NRG2: variants seen among roughly 807,000 people sequenced by gnomAD.
The protein encoded by NRG2 is neuregulin 2.
A neutral mutation model predicts 73.9 loss-of-function variants in NRG2; 27 were observed. The observed-to-expected ratio is 0.37, with a 90% confidence interval of 0.27 to 0.50. The LOEUF (loss-of-function observed/expected upper bound fraction) is 0.50. Among genes scored for constraint, NRG2 ranks in the 20% least tolerant of loss-of-function variants. The pLI is 0.96. For synonymous variants in NRG2, 532 were observed against 541.0 expected (o/e 0.98, Z 0.23); for missense variants, 1,126 against 1,210.1 (o/e 0.93, Z 1.03).
At chr5:139,928,433 A>C (rs567735159) in intron 1 of NRG2, among the ~76,000 whole-genome samples, 9 of 152,068 alleles carry the variant, frequency 5.9e-5, no homozygotes, top group Admixed American at 5.2e-4. Context: ...ACTGATGCAC[A>C]CTCTACACGT....
At chr5:139,859,289 G>C (rs945142744) in intron 5 of NRG2, among the ~76,000 whole-genome samples, 4 of 152,216 alleles carry the variant, frequency 2.6e-5, no homozygotes, top group East Asian at 1.9e-4. Context: ...TGCCAATGTG[G>C]GGTCAGATCA....
At chr5:139,872,482 C>A (rs1436819039) in intron 3 of NRG2, among the ~76,000 whole-genome samples, 1 of 152,218 alleles carries the variant, frequency 6.6e-6, no homozygotes, top group African/African-American at 2.4e-5. Context: ...TATGCCCCAT[C>A]TCCATAAGCA....
intron 1 of NRG2, among the ~76,000 whole-genome samples, chr5:140,013,961 T>C (rs965662462): frequency 1.3e-5 from 2 of 152,184 alleles, no homozygotes; most frequent in African/African-American, 4.8e-5. Context: ...CCCTTTAATA[T>C]TGTAGTGTCT....
At position 139,954,027 on chromosome 5, in the gene NRG2, C is replaced by T. The variant is rs910935226; in HGVS notation, c.701-66516G>A. ...GTGGGCCAGAGTTGAGGGCAGGTAGCCTGCTCACTGGGAGGCAAGGGGCAG... is the reference window on the plus strand; with the variant it reads ...GTGGGCCAGAGTTGAGGGCAGGTAGTCTGCTCACTGGGAGGCAAGGGGCAG... On this transcript the variant is annotated intron_variant, in intron 1 of 9. Transcript: ENST00000361474. This position sits in a 1 kb window ranked among gnomAD's most constrained non-coding sequence, Gnocchi z 5.0. 6.6e-6 allele frequency among the ~76,000 whole-genome samples: 1 copy of T among 152,148 alleles called. No individual in the cohort carries two copies. Among genetic ancestry groups the T allele is most frequent in the Non-Finnish European group, 1.5e-5 (1 of 68,008 alleles).
At chr5:140,016,263 A>G (rs898667976) in intron 1 of NRG2, among the ~76,000 whole-genome samples, 3 of 152,206 alleles carry the variant, frequency 2.0e-5, no homozygotes, top group Non-Finnish European at 4.4e-5. Context: ...CTACTGTCCA[A>G]TTCTATAACC....
Position 139,851,752 on chromosome 5 carries a change from C to T in NRG2, c.1624G>A (p.Val542Met), listed in dbSNP as rs760845655. The T allele has an allele frequency of 5.6e-6, 9 of 1,614,134 alleles. No individual in the cohort carries two copies. Among genetic ancestry groups the T allele is most frequent in the Admixed American group, 3.3e-5 (2 of 60,012 alleles). Reference protein sequence around the residue: ...DSQSGIMLSSVGTSKCNSPAC... With the variant: ...DSQSGIMLSSMGTSKCNSPAC... ...GGGCTGTTGCATTTGCTGGTACCCA[C>T]TGATGATAGCATGATCCCCGACTGG... The change falls in exon 9 of 10, where the codon GTG (valine) becomes ATG (methionine). Residue 542 changes from valine (V) to methionine (M), a missense_variant. Physicochemically the swap from Val to Met is conservative, Grantham distance 21. Transcript: ENST00000361474. This position sits in a 1 kb window ranked among gnomAD's most constrained non-coding sequence, Gnocchi z 4.2.
At chr5:139,955,678 G>A (rs1318486135) in intron 1 of NRG2, among the ~76,000 whole-genome samples, 1 of 152,136 alleles carries the variant, frequency 6.6e-6, no homozygotes, top group Non-Finnish European at 1.5e-5. Context: ...TCAGTGAGGT[G>A]GGATATCAGT....
intron 1 of NRG2, among the ~76,000 whole-genome samples, chr5:139,941,332 CT>C (rs1470778683): frequency 2.0e-5 from 3 of 150,540 alleles, no homozygotes; most frequent in Admixed American, 1.3e-4. Flanking sequence ...TCATTGAATA[CT>C]TTTTTTGTAA....
At chr5:139,905,597 A>G (rs1439310423) in intron 1 of NRG2, among the ~76,000 whole-genome samples, 1 of 151,740 alleles carries the variant, frequency 6.6e-6, no homozygotes. Context: ...TGGGGTGGGA[A>G]CACAGAAAGG....
At chr5:140,012,382 G>A (rs1249821251) in intron 1 of NRG2, among the ~76,000 whole-genome samples, 2 of 152,166 alleles carry the variant, frequency 1.3e-5, no homozygotes, top group Non-Finnish European at 2.9e-5. Context: ...GCACACATCT[G>A]TCATTCACTA....
At chr5:139,947,749 A>G (rs2431381) in intron 1 of NRG2, among the ~76,000 whole-genome samples, 151,993 of 152,318 alleles carry the variant, frequency 1, 75,835 homozygotes, top group Middle Eastern at 1. Context: ...CTATCCTAAT[A>G]GGTGTGAAGT....
At position 139,852,538 on chromosome 5, in the gene NRG2, C is replaced by A; in HGVS notation, c.1438G>T (p.Ala480Ser). The A allele has an allele frequency of 6.2e-7, 1 of 1,614,052 alleles. No homozygotes were observed. The highest frequency in any genetic ancestry group is 8.5e-7 in the Non-Finnish European group (1 of 1,179,972). ...MADYISKNVPATDHVIRRETE... is the reference protein window; with the variant it reads ...MADYISKNVPSTDHVIRRETE... ...TCTCTCCTGATGACATGGTCTGTGGCTGGCACGTTCTTGGAAATATACTGG... is the reference window on the plus strand; with the variant it reads ...TCTCTCCTGATGACATGGTCTGTGGATGGCACGTTCTTGGAAATATACTGG... Residue 480 changes from alanine to serine, a missense_variant, in exon 8 of 10, where the codon GCC becomes TCC. Transcript: ENST00000361474. This position sits in a 1 kb window ranked among gnomAD's most constrained non-coding sequence, Gnocchi z 4.4.
At chr5:139,902,298 G>A (rs1299028120) in intron 1 of NRG2, among the ~76,000 whole-genome samples, 1 of 152,204 alleles carries the variant, frequency 6.6e-6, no homozygotes, top group African/African-American at 2.4e-5. Context: ...CACACCTGCA[G>A]TTCAGCCCCA....
At chr5:139,979,381 C>T (rs947000272) in intron 1 of NRG2, among the ~76,000 whole-genome samples, 7 of 152,128 alleles carry the variant, frequency 4.6e-5, no homozygotes, top group South Asian at 2.1e-4. Flanking sequence ...TACCTGCAGA[C>T]GATTTCTCCC....
chr5:139,932,538 C>T (rs1415599469), intron 1 of NRG2, among the ~76,000 whole-genome samples: 2 of 151,702 alleles, frequency 1.3e-5, no homozygotes, highest in Non-Finnish European at 2.9e-5. Context: ...GTAGGATGAA[C>T]AGATCTAGAG....
intron 1 of NRG2, among the ~76,000 whole-genome samples, chr5:140,012,563 T>C (rs1462276335): frequency 6.6e-6 from 1 of 152,162 alleles, no homozygotes; most frequent in African/African-American, 2.4e-5. Context: ...GAGTCATCTC[T>C]ACCCATCACC....
chr5:139,946,041 C>T lies in NRG2; in HGVS notation c.701-58530G>A, dbSNP rs149406064. ...ATATTGTTAAGATGGCAATATTCCC[C>T]AGATCGATCTACAGATTCAGTGCCA... On this transcript the variant is annotated intron_variant, in intron 1 of 9. Coordinates refer to ENST00000361474, the MANE Select transcript of NRG2 (RefSeq NM_004883.3). Among the ~76,000 whole-genome samples the T allele has an allele frequency of 1.4e-3, 209 of 152,102 alleles. 2 individuals carry two copies. In the East Asian group the frequency reaches 0.032, roughly 23 times the overall value.
In NRG2 at chr5:139,851,336, C is replaced by T. The variant is rs1037468458; in HGVS notation, c.1772+268G>A. On this transcript the variant is annotated intron_variant, in intron 9 of 9. Transcript: ENST00000361474. This position sits in a 1 kb window ranked among gnomAD's most constrained non-coding sequence, Gnocchi z 4.2. ...TGTAACTATTAATAATGTCCTTTTT[C>T]TAGTGTGAAAAGTGTCCTGGGAGGA... Among the ~76,000 whole-genome samples, 2 of 152,128 alleles carry T rather than the reference C, an allele frequency of 1.3e-5. No individual in the cohort carries two copies. The highest frequency in any genetic ancestry group is 4.8e-5 in the African/African-American group (2 of 41,426).
In NRG2 at chr5:139,847,959, G is replaced by A. The variant is rs1452897085; in HGVS notation, c.2511C>T (p.Arg837=). Residue 837 remains arginine (R), a synonymous_variant, in exon 10 of 10, where the codon CGC becomes CGT. Transcript: ENST00000361474. ...CCTGCTTGGCCCGCGGGGGCGGCCC[G>A]CGGCTGTGTCTGCTGCTGGCCCGCG... ...HSTRASSRHS[R]GPPPRAKQDS... The A allele has an allele frequency of 4.0e-6, 6 of 1,509,296 alleles. No individual in the cohort carries two copies. In the Admixed American group the frequency reaches 1.1e-4, roughly 27 times the overall value. 93.5% of individuals were successfully genotyped at this position (1,509,296 alleles called of 1,614,324 possible).
Sources: allele counts gnomAD v4.1 joint callset (sites outside exome capture counted in the v4.1 genomes callset), GRCh38; gene constraint gnomAD v4.1.1; non-coding constraint Gnocchi (gnomAD v3.1); transcripts MANE v1.5; gene names NCBI Gene and HGNC (gene_info 2026-07-23, HGNC 2026-07-21).